The following ADAMTS12 variants were observed in gnomAD, a reference collection of about 807,000 sequenced individuals.
ADAMTS12 encodes A disintegrin and metalloproteinase with thrombospondin motifs 12.
A neutral mutation model predicts 167.8 loss-of-function variants in ADAMTS12; 118 were observed. The ratio of observed to expected loss-of-function variants is 0.70; its 90% CI spans 0.61 to 0.82. ADAMTS12 has a LOEUF of 0.82. Ranked by LOEUF, ADAMTS12 falls within the 40% of genes least tolerant of loss-of-function variation. ADAMTS12 has a pLI of 0.00. For missense variants in ADAMTS12, 1,916 were observed against 1,998.8 expected (o/e 0.96, Z 0.79); for synonymous variants, 704 against 716.9 (o/e 0.98, Z 0.29).
intron 2 of ADAMTS12, among the ~76,000 whole-genome samples, chr5:33,799,560 T>G (rs1253294504): frequency 6.6e-6 from 1 of 152,218 alleles, no homozygotes; most frequent in Non-Finnish European, 1.5e-5. Context: ...ACCCCTTATT[T>G]GGCTTTGAAT....
At position 33,620,121 on chromosome 5, in the gene ADAMTS12, T is replaced by C. The variant is rs112200026; in HGVS notation, c.2144-4049A>G. Among the ~76,000 whole-genome samples the C allele has an allele frequency of 4.4e-3, 664 of 152,364 alleles. 7 individuals are homozygous for C. Among genetic ancestry groups the C allele is most frequent in the African/African-American group, 0.015 (623 of 41,588 alleles). ...TTTCACAAAAAGTGCAAGGTCTTTG[T>C]ACCTGCTGGCATAGCTGTAGTGATG... is the stretch of plus-strand genomic sequence containing the variant. On this transcript the variant is annotated intron_variant, in intron 14 of 23. Coordinates refer to ENST00000504830, the MANE Select transcript of ADAMTS12 (RefSeq NM_030955.4).
At chr5:33,611,264 C>T (rs561940990) in intron 16 of ADAMTS12, among the ~76,000 whole-genome samples, 4 of 151,636 alleles carry the variant, frequency 2.6e-5, no homozygotes, top group South Asian at 2.1e-4. Context: ...ACTAGTTTCA[C>T]GACCCTAGTT....
At chr5:33,563,823 G>A (rs766457350) in intron 19 of ADAMTS12, among the ~76,000 whole-genome samples, 2 of 152,150 alleles carry the variant, frequency 1.3e-5, no homozygotes, top group Non-Finnish European at 2.9e-5. Flanking sequence ...CTATGTGCCC[G>A]ACACTCTTCT....
At position 33,751,435 on chromosome 5, in the gene ADAMTS12, T is replaced by G. The variant is rs374917796; in HGVS notation, c.603A>C (p.Pro201=). ...PHIVYRRQKV[P]ETKEPTCGLK... ...ATCCACAGGTTGGCTCCTTGGTTTC[T>G]GGAACTTTCTGCCTCCTGTAAACGA... Residue 201 remains proline, a synonymous_variant, in exon 3 of 24, where the codon CCA becomes CCC. Transcript: ENST00000504830. 19 of 1,614,082 alleles carry G rather than the reference T, an allele frequency of 1.2e-5. No individual in the cohort carries two copies. Among genetic ancestry groups the G allele is most frequent in the Non-Finnish European group, 1.3e-5 (15 of 1,180,034 alleles).
chr5:33,730,783 T>A (rs568129882), intron 3 of ADAMTS12, among the ~76,000 whole-genome samples: 25 of 152,230 alleles, frequency 1.6e-4, no homozygotes, highest in Non-Finnish European at 2.6e-4. Flanking sequence ...AATTCTCAAC[T>A]GGACCACAAA....
chr5:33,877,306 T>G (rs1750264972), intron 2 of ADAMTS12, among the ~76,000 whole-genome samples: 1 of 152,214 alleles, frequency 6.6e-6, no homozygotes, highest in Non-Finnish European at 1.5e-5. Context: ...TTAGCAGAAT[T>G]AGAACGCCCT....
intron 2 of ADAMTS12, among the ~76,000 whole-genome samples, chr5:33,772,506 CAGG>C (rs1170732718): frequency 2.0e-5 from 3 of 152,168 alleles, no homozygotes; most frequent in African/African-American, 7.2e-5. Flanking sequence ...GGAAAACATC[CAGG>C]AGGTCAGGAG....
rs549391900 is a variant in ADAMTS12 at position 33,855,893 on chromosome 5, T to TTTTG, written c.489+25222_489+25225dup. ...AGGCAAGCGCCACCACACCCAGCTATTTTGTTTGTTTGTTTGTTTGTAGCG... is the reference window on the plus strand; with the variant it reads ...AGGCAAGCGCCACCACACCCAGCTATTTTGTTTGTTTGTTTGTTTGTTTGTAGCG... On this transcript the variant is annotated intron_variant, in intron 2 of 23. Transcript: ENST00000504830. Among the ~76,000 whole-genome samples, 299 of 152,166 alleles carry TTTTG rather than the reference T, an allele frequency of 2.0e-3. 3 individuals are homozygous for TTTTG. Among genetic ancestry groups the TTTTG allele is most frequent in the African/African-American group, 6.6e-3 (275 of 41,510 alleles).
At chr5:33,559,552 G>C (rs1203854246) in intron 20 of ADAMTS12, among the ~76,000 whole-genome samples, 1 of 152,202 alleles carries the variant, frequency 6.6e-6, no homozygotes, top group African/African-American at 2.4e-5. Flanking sequence ...AGTAATCACA[G>C]TAAGATTAGC....
intron 3 of ADAMTS12, among the ~76,000 whole-genome samples, chr5:33,686,726 A>T (rs1341018649): frequency 6.6e-6 from 1 of 151,178 alleles, no homozygotes; most frequent in Non-Finnish European, 1.5e-5. Flanking sequence ...GAGAGAGGAG[A>T]CATGAAGACA....
intron 3 of ADAMTS12, among the ~76,000 whole-genome samples, chr5:33,692,966 A>T (rs780190854): frequency 6.6e-6 from 1 of 152,206 alleles, no homozygotes; most frequent in Non-Finnish European, 1.5e-5. Context: ...TGGAAACCTC[A>T]TATGTACTTT....
intron 23 of ADAMTS12, among the ~76,000 whole-genome samples, chr5:33,528,620 G>T (rs1304560749): frequency 6.6e-6 from 1 of 152,174 alleles, no homozygotes; most frequent in Non-Finnish European, 1.5e-5. Context: ...AAGTAGTGAA[G>T]AACTTGTATA....
intron 2 of ADAMTS12, among the ~76,000 whole-genome samples, chr5:33,786,731 TC>T (rs894002946): frequency 3.3e-5 from 5 of 152,322 alleles, no homozygotes; most frequent in Admixed American, 2.0e-4. Context: ...GTAGGAACTT[TC>T]AGCACTGTGG....
chr5:33,529,405 T>C (rs555582790), intron 23 of ADAMTS12, among the ~76,000 whole-genome samples: 88 of 152,092 alleles, frequency 5.8e-4, no homozygotes, highest in Non-Finnish European at 1.1e-3. Flanking sequence ...TTTTTTTTTC[T>C]AGAAAGTGAA....
rs780822891 is a variant in ADAMTS12, at chr5:33,561,154, G to C, written c.3998C>G (p.Ala1333Gly). ...GCTGCACTCCACCCTTCTCCAGTAG[G>C]CCCCCAGGCCACATGTGGTGGAGCA... ...SECSTTCGLG[A>G]YWRRVECSTQ... is the part of the protein sequence containing the mutation. Residue 1333 changes from alanine (A) to glycine (G), a missense_variant, in exon 20 of 24, where the codon GCC (alanine) becomes GGC (glycine). Transcript: ENST00000504830. 3.7e-6 allele frequency: 6 copies of C among 1,614,016 alleles called. No homozygotes were observed. Among genetic ancestry groups the C allele is most frequent in the Non-Finnish European group, 5.1e-6 (6 of 1,179,982 alleles).
In ADAMTS12 at chr5:33,873,177, A is replaced by AC. The variant is rs1750104420; in HGVS notation, c.489+7941_489+7942insG. Among the ~76,000 whole-genome samples the AC allele has an allele frequency of 3.9e-5, 6 of 152,082 alleles. 1 individual carries two copies. The highest frequency in any genetic ancestry group is 1.4e-4 in the African/African-American group (6 of 41,538). On this transcript the variant is annotated intron_variant, in intron 2 of 23. Coordinates refer to ENST00000504830, the MANE Select transcript of ADAMTS12 (RefSeq NM_030955.4). ...ATGCTATGTAGATTTAAAAAAAAAA[A>AC]AAAAAAACACTCCTGAAACAATTGT...
intron 14 of ADAMTS12, among the ~76,000 whole-genome samples, chr5:33,617,949 T>C (rs1180764673): frequency 6.6e-6 from 1 of 152,204 alleles, no homozygotes; most frequent in East Asian, 1.9e-4. Context: ...CCAGTAAGAA[T>C]AGCTCCAAAG....
At chr5:33,578,250 C>T (rs769530601) in intron 18 of ADAMTS12, among the ~76,000 whole-genome samples, 9 of 152,090 alleles carry the variant, frequency 5.9e-5, no homozygotes, top group East Asian at 5.8e-4. Context: ...CAAAGGGCTG[C>T]GCAAACATTA....
At chr5:33,630,659 A>G (rs894732132) in intron 13 of ADAMTS12, 121 bp downstream of exon 13, 22 of 1,078,400 alleles carry the variant, frequency 2.0e-5, no homozygotes, top group Non-Finnish European at 2.8e-5. Context: ...TTCATGAACT[A>G]TATATAAAAA....
Sources: gnomAD v4.1 joint callset for allele counts (sites outside exome capture counted in the v4.1 genomes callset) on GRCh38, gnomAD v4.1.1 for gene constraint, MANE v1.5 for transcripts, NCBI Gene and HGNC (gene_info 2026-07-23, HGNC 2026-07-21) for gene names.